Variants in UPP2 observed in about 807,000 individuals in gnomAD.
UPP2 encodes the protein uridine phosphorylase 2.
UPP2 carries 23 observed loss-of-function variants against 26.7 expected under a neutral mutation model. That is an observed-to-expected ratio of 0.86 (90% CI 0.62 to 1.22). The LOEUF (loss-of-function observed/expected upper bound fraction) is 1.22. UPP2 is among the 50% of genes most tolerant of loss of function. The probability of loss-of-function intolerance (pLI) is 0.00; values close to 1 mark genes in which losing one functional copy is unlikely to be tolerated. For synonymous variants in UPP2, 127 were observed against 141.3 expected, an observed-to-expected ratio of 0.90 and a Z score of 0.72; for missense variants, 387 against 396.7, an observed-to-expected ratio of 0.98 and a Z score of 0.21.
chr2:158,018,894 G>A lies in UPP2; in HGVS notation c.147+3008G>A, dbSNP rs139348514. On this transcript the variant is annotated intron_variant, in intron 3 of 9. Transcript: ENST00000605860. ...CGAAGGAGCCAAGAAACTAAAGGAG[G>A]TGGTAGACAAATCCACTTTGTTTGT... 2.1e-3 allele frequency among the ~76,000 whole-genome samples: 315 copies of A among 152,258 alleles called. 1 individual carries two copies. Among genetic ancestry groups the A allele is most frequent in the African/African-American group, 7.4e-3 (308 of 41,548 alleles).
At chr2:158,119,123 A>T (rs1255694060) in intron 4 of UPP2, among the ~76,000 whole-genome samples, 1 of 152,088 alleles carries the variant, frequency 6.6e-6, no homozygotes. Flanking sequence ...TAGCTATTAA[A>T]GTTGCTCATA....
intron 3 of UPP2, among the ~76,000 whole-genome samples, chr2:158,057,850 C>A (rs1013785586): frequency 6.6e-6 from 1 of 151,642 alleles, no homozygotes; most frequent in African/African-American, 2.4e-5. Context: ...ATGTTATGAA[C>A]TGAATTGTGT....
intron 4 of UPP2, among the ~76,000 whole-genome samples, chr2:158,120,986 A>T (rs59685387): frequency 6.6e-6 from 1 of 152,024 alleles, no homozygotes; most frequent in Non-Finnish European, 1.5e-5. Flanking sequence ...GAAAAGAATC[A>T]GAAGAAAAAG....
At chr2:158,095,268 C>T (rs1682968042) in intron 3 of UPP2, among the ~76,000 whole-genome samples, 1 of 152,128 alleles carries the variant, frequency 6.6e-6, no homozygotes, top group Non-Finnish European at 1.5e-5. Flanking sequence ...AGGACTGGGC[C>T]ATCATTTTGA....
chr2:158,060,797 A>T (rs1216886735), intron 3 of UPP2, among the ~76,000 whole-genome samples: 1 of 152,210 alleles, frequency 6.6e-6, no homozygotes, highest in African/African-American at 2.4e-5. Flanking sequence ...CCATGTGAGG[A>T]CACAGTGAGA....
intron 2 of UPP2, among the ~76,000 whole-genome samples, chr2:157,999,425 G>A (rs778486555): frequency 2.0e-5 from 3 of 152,132 alleles, no homozygotes; most frequent in Non-Finnish European, 4.4e-5. Context: ...TGATCCACTC[G>A]CCTTGGCTTC....
chr2:158,039,144 G>A (rs576151266), intron 3 of UPP2, among the ~76,000 whole-genome samples: 1 of 152,286 alleles, frequency 6.6e-6, no homozygotes, highest in South Asian at 2.1e-4. Flanking sequence ...GTTGCTCTGT[G>A]GGTTTCTGAG....
intron 3 of UPP2, among the ~76,000 whole-genome samples, chr2:158,026,011 A>T (rs1412460733): frequency 6.6e-6 from 1 of 152,162 alleles, no homozygotes. Context: ...CCAGGACATA[A>T]GAGGTGGTGA....
chr2:158,081,702 C>A (rs1026232801), intron 3 of UPP2, among the ~76,000 whole-genome samples: 2 of 151,876 alleles, frequency 1.3e-5, no homozygotes, highest in African/African-American at 4.8e-5. Context: ...ATAAGCCAGA[C>A]ACAGAAAGAT....
chr2:158,113,016 T>C (rs1214368558), intron 2 of UPP2, among the ~76,000 whole-genome samples: 2 of 152,200 alleles, frequency 1.3e-5, no homozygotes, highest in African/African-American at 4.8e-5. Flanking sequence ...TCAGCCATAT[T>C]TTACTTCTCA....
At chr2:158,036,717 G>GACCAGTT (rs1484347898) in intron 3 of UPP2, among the ~76,000 whole-genome samples, 2 of 152,220 alleles carry the variant, frequency 1.3e-5, no homozygotes, top group African/African-American at 2.4e-5. Flanking sequence ...GTGAAGATAA[G>GACCAGTT]ACCAGTTACT....
chr2:158,125,804 C>T (rs887987195), intron 6 of UPP2, among the ~76,000 whole-genome samples: 34 of 152,252 alleles, frequency 2.2e-4, no homozygotes, highest in African/African-American at 7.5e-4. Flanking sequence ...AAGTTAGTGA[C>T]GGTGGGAAAG....
At chr2:158,011,342 C>T (rs1019804972) in intron 2 of UPP2, among the ~76,000 whole-genome samples, 8 of 152,244 alleles carry the variant, frequency 5.3e-5, no homozygotes, top group Admixed American at 6.5e-5. Context: ...CTTTCTCCCT[C>T]CTGCGTCTCT....
intron 6 of UPP2, chr2:158,128,078 G>A: frequency 1.1e-6 from 1 of 931,036 alleles, no homozygotes. Flanking sequence ...AGACAGTGCT[G>A]CCTTTTGACA....
At chr2:158,108,885 A>AGC (rs955543713) in intron 2 of UPP2, among the ~76,000 whole-genome samples, 4 of 122,780 alleles carry the variant, frequency 3.3e-5, no homozygotes, top group African/African-American at 1.0e-4. Flanking sequence ...AGGAGGCAAA[A>AGC]GCGTGTGTGT....
At chr2:158,108,648 C>T (rs952931764) in intron 2 of UPP2, among the ~76,000 whole-genome samples, 3 of 151,846 alleles carry the variant, frequency 2.0e-5, no homozygotes, top group Admixed American at 6.6e-5. Context: ...TGTCTCATCT[C>T]GGTTATAATC....
intron 3 of UPP2, among the ~76,000 whole-genome samples, chr2:158,061,687 T>A (rs1422725589): frequency 6.6e-6 from 1 of 152,214 alleles, no homozygotes; most frequent in Non-Finnish European, 1.5e-5. Flanking sequence ...TTCTTCTAGA[T>A]CATTTGGATT....
rs565174322 is a variant in UPP2 at position 158,114,368 on chromosome 2, T to A, written c.181-733T>A. 2.5e-3 allele frequency among the ~76,000 whole-genome samples: 383 copies of A among 151,908 alleles called. 1 individual carries two copies. The highest frequency in any genetic ancestry group is 4.3e-3 in the Non-Finnish European group (291 of 68,024). On this transcript the variant is annotated intron_variant, in intron 2 of 6. Coordinates refer to ENST00000005756, the MANE Select transcript of UPP2 (RefSeq NM_173355.4). ...CCACTCCTGGTACCTGGGGCTAGGG[T>A]ACCCCTAAACAGACTGTTGTATGAG...
At chr2:158,078,350 T>G (rs1682664431) in intron 3 of UPP2, among the ~76,000 whole-genome samples, 1 of 152,292 alleles carries the variant, frequency 6.6e-6, no homozygotes, top group East Asian at 1.9e-4. Flanking sequence ...GTTGCAGCTG[T>G]GTTCACAACA....
Sources: gnomAD v4.1 joint callset for allele counts (sites outside exome capture counted in the v4.1 genomes callset) on GRCh38, gnomAD v4.1.1 for gene constraint, MANE v1.5 for transcripts, NCBI Gene and HGNC (gene_info 2026-07-23, HGNC 2026-07-21) for gene names.